Variants in ABL1 observed in about 807,000 individuals in gnomAD.
The protein encoded by ABL1 is ABL proto-oncogene 1, non-receptor tyrosine kinase.
Under a neutral mutation model 94.7 loss-of-function variants are expected in ABL1, and 11 were observed. The observed-to-expected ratio is 0.12, with a 90% CI of 0.07 to 0.19. The LOEUF (loss-of-function observed/expected upper bound fraction) is 0.19, where lower values mean the gene tolerates loss of function less well. Among genes scored for constraint, ABL1 ranks in the 10% least tolerant of loss-of-function variants. The probability of loss-of-function intolerance (pLI) is 1.00; values close to 1 mark genes in which losing one functional copy is unlikely to be tolerated. For missense variants in ABL1, 1,082 were observed against 1,489.4 expected (o/e 0.73, Z 4.50); for synonymous variants, 656 against 622.4 (o/e 1.05, Z -0.80).
chr9:130,718,486 A>G (rs560759353), intron 1 of ABL1, among the ~76,000 whole-genome samples: 2 of 152,274 alleles, frequency 1.3e-5, no homozygotes, highest in African/African-American at 4.8e-5. Context: ...AAATTTCAGT[A>G]TTCATTTCTA....
chr9:130,869,863 C>T (rs899499951), intron 4 of ABL1, among the ~76,000 whole-genome samples: 2 of 152,130 alleles, frequency 1.3e-5, no homozygotes, highest in Admixed American at 6.5e-5. Context: ...CTCACTCTGT[C>T]GCCCAGGCTG....
At chr9:130,742,583 T>G (rs1267267905) in intron 1 of ABL1, among the ~76,000 whole-genome samples, 1 of 152,190 alleles carries the variant, frequency 6.6e-6, no homozygotes, top group African/African-American at 2.4e-5. Flanking sequence ...ACTTTGGTAA[T>G]TTGGTAAACT....
chr9:130,751,468 G>A (rs1352534060), intron 1 of ABL1, among the ~76,000 whole-genome samples: 1 of 151,942 alleles, frequency 6.6e-6, no homozygotes, highest in African/African-American at 2.4e-5. Flanking sequence ...AATGGGAAGG[G>A]GTTTATTATA....
chr9:130,737,831 CTTTTT>C (rs55666318), intron 1 of ABL1, among the ~76,000 whole-genome samples: 1 of 134,556 alleles, frequency 7.4e-6, no homozygotes. Context: ...AGAACAGTGT[CTTTTT>C]TTTTTTTTTT....
chr9:130,874,493 TA>T (rs2133001795), intron 6 of ABL1, among the ~76,000 whole-genome samples: 1 of 152,346 alleles, frequency 6.6e-6, no homozygotes, highest in Admixed American at 6.5e-5. Flanking sequence ...TAACTGCACT[TA>T]CTATTCTCGA....
In ABL1 at chr9:130,850,207, A is replaced by G. The variant is rs575895558; in HGVS notation, c.80-3857A>G. ...TAATTACTTGGTTGATATGAAACCA[A>G]TGAAATGCAAGTGTGAAAAGAGAAT... On this transcript the variant is annotated intron_variant, in intron 1 of 10. Coordinates refer to ENST00000318560, the MANE Select transcript of ABL1 (RefSeq NM_005157.6). Among the ~76,000 whole-genome samples the G allele has an allele frequency of 7.2e-5, 11 of 152,382 alleles. No homozygotes were observed. In the South Asian group the frequency reaches 2.1e-3, roughly 29 times the overall value.
chr9:130,742,930 T>TA (rs1831838277), intron 1 of ABL1, among the ~76,000 whole-genome samples: 1 of 152,284 alleles, frequency 6.6e-6, no homozygotes, highest in African/African-American at 2.4e-5. Flanking sequence ...TTTAAAACTT[T>TA]AAAAAATGCG....
At chr9:130,841,002 A>G (rs1323384980) in intron 1 of ABL1, among the ~76,000 whole-genome samples, 5 of 152,190 alleles carry the variant, frequency 3.3e-5, no homozygotes, top group African/African-American at 1.2e-4. Context: ...TTGTCCTCAG[A>G]TGGGTAGAAT....
intron 1 of ABL1, among the ~76,000 whole-genome samples, chr9:130,725,824 G>GTTTTTTTTTTTTGTT (rs1831574598): frequency 1.3e-5 from 1 of 76,002 alleles, no homozygotes; most frequent in African/African-American, 6.5e-5. Context: ...GTGTATGGTG[G>GTTTTTTTTTTTTGTT]TTTTTTTTTT....
intron 1 of ABL1, among the ~76,000 whole-genome samples, chr9:130,802,756 G>C (rs1342460106): frequency 2.0e-5 from 3 of 152,204 alleles, no homozygotes; most frequent in African/African-American, 7.2e-5. Flanking sequence ...TCTTTGTATG[G>C]TGGGTAGTTC....
chr9:130,834,180 ACAGTT>A (rs1830529101), upstream of ABL1: 2 of 434,778 alleles, frequency 4.6e-6, no homozygotes, highest in South Asian at 3.2e-5. Context: ...CAGATGCAAT[ACAGTT>A]AATGAAGGTA....
chr9:130,797,431 G>A (rs1422234209), intron 1 of ABL1, among the ~76,000 whole-genome samples: 1 of 152,100 alleles, frequency 6.6e-6, no homozygotes, highest in African/African-American at 2.4e-5. Context: ...CTAGAGTGCA[G>A]TAGCATGGTC....
At chr9:130,875,181 A>G in intron 7 of ABL1, 129 bp downstream of exon 7, 1 of 1,067,374 alleles carries the variant, frequency 9.4e-7, no homozygotes. Flanking sequence ...TCACTCTGTC[A>G]CCCAGGCTGG....
chr9:130,720,609 T>A (rs901045250), intron 1 of ABL1, among the ~76,000 whole-genome samples: 1 of 152,132 alleles, frequency 6.6e-6, no homozygotes, highest in South Asian at 2.1e-4. Context: ...TTGATTCATA[T>A]GATGTGGGAA....
At chr9:130,754,938 C>A (rs530525738) in intron 1 of ABL1, among the ~76,000 whole-genome samples, 2 of 151,978 alleles carry the variant, frequency 1.3e-5, no homozygotes, top group Non-Finnish European at 2.9e-5. Context: ...CAGAGGAGTA[C>A]GTGGAGTAAG....
At chr9:130,765,393 T>C (rs1832170504) in intron 1 of ABL1, among the ~76,000 whole-genome samples, 1 of 152,142 alleles carries the variant, frequency 6.6e-6, no homozygotes, top group Non-Finnish European at 1.5e-5. Flanking sequence ...GAAATCCTTG[T>C]GGTGTTGGAT....
At chr9:130,854,042 TG>T in intron 1 of ABL1, 21 bp from the exon 2 acceptor site, 1 of 1,560,442 alleles carries the variant, frequency 6.4e-7, no homozygotes, top group Non-Finnish European at 8.7e-7. Context: ...TTCTTTTTTC[TG>T]TTCCCCCCTT....
chr9:130,735,961 A>ATATTTT lies in ABL1; in HGVS notation c.136+21507_136+21508insATTTTT, dbSNP rs573602038. Among the ~76,000 whole-genome samples the ATATTTT allele has an allele frequency of 4.2e-3, 400 of 94,804 alleles. 19 individuals carry two copies. In the East Asian group the frequency reaches 0.076, roughly 18 times the overall value. 62.2% of individuals were successfully genotyped at this position (94,804 alleles called of 152,430 possible). ...TATATATATATATATATATATATATATTTTTTTTTTTTAAGACAGGGTCTG... is the reference window on the plus strand; with the variant it reads ...TATATATATATATATATATATATATATATTTTTTTTTTTTTTTTAAGACAGGGTCTG... On this transcript the variant is annotated intron_variant, in intron 1 of 10. Transcript: ENST00000372348.
At chr9:130,799,894 A>G (rs1830032336) in intron 1 of ABL1, among the ~76,000 whole-genome samples, 1 of 151,186 alleles carries the variant, frequency 6.6e-6, no homozygotes, top group South Asian at 2.1e-4. Context: ...TTCTTTAGAG[A>G]TGGAGTCTTG....
Sources: allele counts gnomAD v4.1 joint callset (sites outside exome capture counted in the v4.1 genomes callset), GRCh38; gene constraint gnomAD v4.1.1; transcripts MANE v1.5; gene names NCBI Gene and HGNC (gene_info 2026-07-23, HGNC 2026-07-21).